The following SHISA5 variants were observed in gnomAD, a reference collection of about 807,000 sequenced individuals.
SHISA5 encodes the protein shisa family member 5, also known as protein shisa-5.
A neutral mutation model predicts 27.5 loss-of-function variants in SHISA5; 21 were observed. The ratio of observed to expected loss-of-function variants is 0.76; its 90% CI spans 0.54 to 1.10. SHISA5 has a LOEUF of 1.10. Ranked by LOEUF, SHISA5 falls within the 50% of genes least tolerant of loss-of-function variation. SHISA5 has a pLI of 0.00. For missense variants in SHISA5, 314 were observed against 336.3 expected (o/e 0.93, Z 0.52); for synonymous variants, 137 against 142.2 (o/e 0.96, Z 0.26).
At chr3:48,490,714 A>G (rs2041396007) in intron 2 of SHISA5, among the ~76,000 whole-genome samples, 1 of 152,360 alleles carries the variant, frequency 6.6e-6, no homozygotes, top group East Asian at 1.9e-4. Flanking sequence ...AAAAAAATCA[A>G]AACATTTTAC....
In SHISA5 at chr3:48,469,725, T is replaced by TA. The variant is rs1182608693; in HGVS notation, c.430+2dup. ...CACAGTGGGGCAGGGTGGGCACGCT[T>TA]ACGACGTGGTCGGCGGCACGTCTTG... On this transcript the variant is annotated splice_region_variant and intron_variant, in intron 4 of 5. Transcript: ENST00000296444. The surrounding 1 kb of genome is among the most constrained non-coding windows in gnomAD (Gnocchi z 4.6). 61 of 1,613,952 alleles carry TA rather than the reference T, an allele frequency of 3.8e-5. No individual in the cohort carries two copies. The highest frequency in any genetic ancestry group is 5.0e-5 in the Non-Finnish European group (59 of 1,179,940).
At chr3:48,482,066 C>T (rs559932607) in intron 2 of SHISA5, among the ~76,000 whole-genome samples, 3 of 126,046 alleles carry the variant, frequency 2.4e-5, no homozygotes, top group South Asian at 5.7e-4. Context: ...GAGACTCTGT[C>T]TCACAAAAAA....
chr3:48,468,996 A>G lies in SHISA5; in HGVS notation c.*111T>C, dbSNP rs1431430813. 1.3e-6 allele frequency: 2 copies of G among 1,576,612 alleles called. No individual in the cohort carries two copies. Among genetic ancestry groups the G allele is most frequent in the South Asian group, 1.1e-5 (1 of 90,670 alleles). On this transcript the variant is annotated 3_prime_UTR_variant, in exon 6 of 6. Coordinates refer to ENST00000296444, the MANE Select transcript of SHISA5 (RefSeq NM_016479.6). Reference sequence around the variant, plus strand: ...CACACAGCACACATGGGGCGTAAGGAACCGTGCCTGGACACACACAGCACA... The same window carrying G: ...CACACAGCACACATGGGGCGTAAGGGACCGTGCCTGGACACACACAGCACA...
chr3:48,483,632 G>A (rs1472431998), intron 2 of SHISA5, among the ~76,000 whole-genome samples: 1 of 151,992 alleles, frequency 6.6e-6, no homozygotes, highest in Non-Finnish European at 1.5e-5. Context: ...TGGTGGCCGG[G>A]CAGAGGGGCT....
Position 48,479,072 on chromosome 3 carries a change from C to G in SHISA5, c.314+105G>C, listed in dbSNP as rs960318933. The G allele has an allele frequency of 3.2e-5, 33 of 1,035,030 alleles. No homozygotes were observed. In the African/African-American group the frequency reaches 4.6e-4, roughly 14 times the overall value. The allele number at this position is 1,035,030 out of a possible 1,614,324, so 64.1% of individuals were successfully genotyped here. A position where few individuals can be genotyped will look rare whatever the true frequency, so the allele number is the denominator to read the frequency against. Reference sequence around the variant, plus strand: ...TATGGTGACAGTTTCTTGGGCTCCACCCCAATGACCGAATCATCCCAGTCC... The same window carrying G: ...TATGGTGACAGTTTCTTGGGCTCCAGCCCAATGACCGAATCATCCCAGTCC... On this transcript the variant is annotated intron_variant, in intron 3 of 5. Coordinates refer to ENST00000296444, the MANE Select transcript of SHISA5 (RefSeq NM_016479.6).
At chr3:48,474,686 C>G (rs1412404001) in intron 3 of SHISA5, among the ~76,000 whole-genome samples, 1 of 152,146 alleles carries the variant, frequency 6.6e-6, no homozygotes, top group Non-Finnish European at 1.5e-5. Flanking sequence ...GCCCACAAAG[C>G]CATGTGTGGT....
chr3:48,476,544 C>T (rs2040833689), intron 3 of SHISA5, among the ~76,000 whole-genome samples: 1 of 152,138 alleles, frequency 6.6e-6, no homozygotes, highest in South Asian at 2.1e-4. Flanking sequence ...AACATGGAGC[C>T]AACTCTCCAG....
chr3:48,492,306 T>C (rs1383923373), intron 2 of SHISA5, among the ~76,000 whole-genome samples: 1 of 149,224 alleles, frequency 6.7e-6, no homozygotes, highest in Non-Finnish European at 1.5e-5. Flanking sequence ...CTGTCTCTAC[T>C]AAAAATACAA....
Position 48,477,135 on chromosome 3 carries a change from C to G in SHISA5, c.314+2042G>C, listed in dbSNP as rs916928362. On this transcript the variant is annotated intron_variant, in intron 3 of 5. Transcript: ENST00000296444. ...AAAAAAAAAAAGAAACAGAACAACC[C>G]TTCACATGGATTCTCCAACTCCTTT... The G allele has an allele frequency of 7.9e-5, 34 of 430,856 alleles. No homozygotes were observed. In the Middle Eastern group the frequency reaches 1.0e-3, roughly 13 times the overall value. 26.7% of individuals were successfully genotyped at this position (430,856 alleles called of 1,614,324 possible).
At chr3:48,503,840 G>C (rs2041823604) in intron 1 of SHISA5, 179 bp downstream of exon 1, 1 of 1,289,108 alleles carries the variant, frequency 7.8e-7, no homozygotes, top group Non-Finnish European at 9.8e-7. Flanking sequence ...TTCAGGCAAG[G>C]AGGGTGCTGG....
At position 48,492,915 on chromosome 3, in the gene SHISA5, A is replaced by G. The variant is rs1478963550; in HGVS notation, c.233+8222T>C. On this transcript the variant is annotated intron_variant, in intron 2 of 5. Coordinates refer to ENST00000296444, the MANE Select transcript of SHISA5 (RefSeq NM_016479.6). ...CAGGAAGAAGGCCCTCACCAGGATC[A>G]TGCCAGCACCCTGATCTTAAACCTC... Among the ~76,000 whole-genome samples the G allele has an allele frequency of 2.7e-5, 4 of 147,524 alleles. 1 individual carries two copies. The highest frequency in any genetic ancestry group is 1.1e-4 in the African/African-American group (4 of 37,280).
chr3:48,469,301 G>C lies in SHISA5; in HGVS notation c.643+60C>G. On this transcript the variant is annotated intron_variant, in intron 5 of 5. Transcript: ENST00000296444. The surrounding 1 kb of genome is among the most constrained non-coding windows in gnomAD (Gnocchi z 4.6). ...GTGATGTAGTTTGGGATGGGTGCCC[G>C]AGGGATGCTGGCAGAGACTCGGGAA... 1 of 1,566,054 alleles carries C rather than the reference G, an allele frequency of 6.4e-7. No homozygotes were observed. Among genetic ancestry groups the C allele is most frequent in the Middle Eastern group, 1.8e-4 (1 of 5,522 alleles).
At chr3:48,475,271 C>T (rs1255505999) in intron 3 of SHISA5, among the ~76,000 whole-genome samples, 2 of 152,082 alleles carry the variant, frequency 1.3e-5, no homozygotes, top group Non-Finnish European at 1.5e-5. Context: ...CCACACGTGG[C>T]TACAGTACCA....
intron 3 of SHISA5, among the ~76,000 whole-genome samples, chr3:48,478,647 G>A (rs1214191946): frequency 1.3e-5 from 2 of 152,104 alleles, no homozygotes; most frequent in Non-Finnish European, 2.9e-5. Flanking sequence ...TGAGAGGAGA[G>A]TCCTGACACA....
intron 2 of SHISA5, among the ~76,000 whole-genome samples, chr3:48,483,493 TAC>T (rs1440508836): frequency 2.6e-5 from 4 of 152,198 alleles, no homozygotes; most frequent in Non-Finnish European, 5.9e-5. Flanking sequence ...TACTTCTTTC[TAC>T]ACAGACACAG....
intron 2 of SHISA5, among the ~76,000 whole-genome samples, chr3:48,489,222 AGCTATCATTAGT>A (rs2041346740): frequency 6.9e-6 from 1 of 145,220 alleles, no homozygotes; most frequent in African/African-American, 2.6e-5. Flanking sequence ...TTTGCTCATC[AGCTATCATTAGT>A]GTGTTTTATG....
chr3:48,492,951 G>A, intron 2 of SHISA5, among the ~76,000 whole-genome samples: 1 of 147,592 alleles, frequency 6.8e-6, no homozygotes, highest in Non-Finnish European at 1.5e-5. Flanking sequence ...CTGCCTCTAG[G>A]ACTGTGAGAA....
chr3:48,504,023 C>T lies in SHISA5; in HGVS notation c.72G>A (p.Pro24=). ...LLLLLLLTPP[P]GARGEVCMAS... ...CCGCCCCCACCCCCGGCTCACCACC[C>T]GGAGGCGGCGTTAGCAGCAGCAGCA... The change falls in exon 1 of 6, where the codon CCG becomes CCA. Residue 24 remains proline, a synonymous_variant. Coordinates refer to ENST00000296444, the MANE Select transcript of SHISA5 (RefSeq NM_016479.6). This position sits in a 1 kb window ranked among gnomAD's most constrained non-coding sequence, Gnocchi z 4.0. 6.8e-7 allele frequency: 1 copy of T among 1,466,526 alleles called. No individual in the cohort carries two copies. The allele number at this position is 1,466,526 out of a possible 1,614,324, so 90.8% of individuals were successfully genotyped here. A position where few individuals can be genotyped will look rare whatever the true frequency, so the allele number is the denominator to read the frequency against.
intron 2 of SHISA5, among the ~76,000 whole-genome samples, chr3:48,497,652 C>A (rs568642035): frequency 6.6e-6 from 1 of 151,882 alleles, no homozygotes; most frequent in Middle Eastern, 3.2e-3. Flanking sequence ...TTTGGGAGGT[C>A]GAGGTGGGAG....
Sources: gnomAD v4.1 joint callset for allele counts (sites outside exome capture counted in the v4.1 genomes callset) on GRCh38, gnomAD v4.1.1 for gene constraint, Gnocchi (gnomAD v3.1) non-coding constraint, MANE v1.5 for transcripts, NCBI Gene and HGNC (gene_info 2026-07-23, HGNC 2026-07-21) for gene names.